The following ADCY5 variants were observed in gnomAD, a reference collection of about 807,000 sequenced individuals.
The protein encoded by ADCY5 is adenylate cyclase 5.
A neutral mutation model predicts 119.7 loss-of-function variants in ADCY5; 30 were observed. The ratio of observed to expected loss-of-function variants is 0.25; its 90% CI spans 0.19 to 0.34. The LOEUF (loss-of-function observed/expected upper bound fraction) is 0.34. Ranked by LOEUF, ADCY5 falls within the 10% of genes least tolerant of loss-of-function variation. The pLI, the probability that ADCY5 is intolerant of heterozygous loss-of-function variation, is 1.00. For missense variants in ADCY5, 1,324 were observed against 1,775.2 expected, an observed-to-expected ratio of 0.75 and a Z score of 4.57; for synonymous variants, 753 against 762.2, an observed-to-expected ratio of 0.99 and a Z score of 0.20.
At chr3:123,298,830 C>CT (rs35856404) in intron 15 of ADCY5, among the ~76,000 whole-genome samples, 17 of 102,522 alleles carry the variant, frequency 1.7e-4, no homozygotes, top group African/African-American at 3.8e-4. Flanking sequence ...AAAACTGTCA[C>CT]TTTTTTTTTT....
intron 1 of ADCY5, among the ~76,000 whole-genome samples, chr3:123,413,080 G>A (rs1026181563): frequency 6.6e-5 from 10 of 152,272 alleles, no homozygotes; most frequent in African/African-American, 1.7e-4. Flanking sequence ...CGGCTCCTCC[G>A]GGACGGGACC....
At chr3:123,384,272 G>C (rs1171394155) in intron 1 of ADCY5, among the ~76,000 whole-genome samples, 2 of 152,234 alleles carry the variant, frequency 1.3e-5, no homozygotes, top group African/African-American at 4.8e-5. Flanking sequence ...TCTGACAACA[G>C]AACAGGTTGG....
At chr3:123,322,773 C>G (rs1941289916) in intron 8 of ADCY5, among the ~76,000 whole-genome samples, 1 of 152,150 alleles carries the variant, frequency 6.6e-6, no homozygotes, top group Non-Finnish European at 1.5e-5. Flanking sequence ...GACACTAGTG[C>G]CTAAGCATCA....
At chr3:123,420,985 GTC>G (rs1229436217) in intron 1 of ADCY5, among the ~76,000 whole-genome samples, 3 of 152,118 alleles carry the variant, frequency 2.0e-5, no homozygotes, top group Non-Finnish European at 4.4e-5. Flanking sequence ...GCGTATGTCT[GTC>G]TCTGTGTCCA....
At chr3:123,423,045 C>G (rs1326015715) in intron 1 of ADCY5, among the ~76,000 whole-genome samples, 1 of 152,158 alleles carries the variant, frequency 6.6e-6, no homozygotes, top group Non-Finnish European at 1.5e-5. Flanking sequence ...AGAGGACAGA[C>G]CAGTTACTGG....
At chr3:123,381,140 T>C (rs1196568303) in intron 1 of ADCY5, among the ~76,000 whole-genome samples, 5 of 152,262 alleles carry the variant, frequency 3.3e-5, no homozygotes, top group Non-Finnish European at 7.3e-5. Context: ...TTTAATACTC[T>C]GTTTCAGCTC....
intron 1 of ADCY5, among the ~76,000 whole-genome samples, chr3:123,429,902 A>T (rs1236456081): frequency 6.6e-6 from 1 of 152,152 alleles, no homozygotes; most frequent in African/African-American, 2.4e-5. Context: ...ACCTGCCCCA[A>T]CGGCTGCCCT....
intron 12 of ADCY5, among the ~76,000 whole-genome samples, chr3:123,313,011 G>GAAGGAGGGTCAGTGGA (rs1553723456): frequency 2.7e-4 from 37 of 139,454 alleles, no homozygotes; most frequent in African/African-American, 1.1e-3. Context: ...GGACAGGCAG[G>GAAGGAGGGTCAGTGGA]GAACCAGCTA....
intron 17 of ADCY5, among the ~76,000 whole-genome samples, chr3:123,292,345 G>A (rs10048957): frequency 0.73 from 110,575 of 152,082 alleles, 41,261 homozygotes; most frequent in East Asian, 0.87. Flanking sequence ...TCAGGACCTG[G>A]GTCCAGCACG....
At chr3:123,297,652 G>A (rs572141828) in intron 15 of ADCY5, among the ~76,000 whole-genome samples, 1 of 152,184 alleles carries the variant, frequency 6.6e-6, no homozygotes, top group South Asian at 2.1e-4. Context: ...ATCTACCTGG[G>A]TGGAGGCCTG....
At chr3:123,375,256 T>C (rs953104541) in intron 1 of ADCY5, among the ~76,000 whole-genome samples, 1 of 152,210 alleles carries the variant, frequency 6.6e-6, no homozygotes, top group East Asian at 1.9e-4. Flanking sequence ...TATGCATGAG[T>C]GTGTCAAGAA....
chr3:123,283,749 A>C lies in ADCY5; in HGVS notation c.*859T>G, dbSNP rs1053031694. On this transcript the variant is annotated 3_prime_UTR_variant, in exon 21 of 21. Coordinates refer to ENST00000462833, the MANE Select transcript of ADCY5 (RefSeq NM_183357.3). The stretch of plus-strand genomic sequence containing the variant: ...CCCTGCTGTGCACAGCTGTTTTCTA[A>C]TATAGAGAATTTACAAAATATAGAA... 4 of 151,936 alleles carry C rather than the reference A, an allele frequency of 2.6e-5. No individual in the cohort carries two copies. The highest frequency in any genetic ancestry group is 9.7e-5 in the African/African-American group (4 of 41,370). The allele number at this position is 151,936 out of a possible 1,614,324, so 9.4% of individuals were successfully genotyped here.
At position 123,330,941 on chromosome 3, in the gene ADCY5, C is replaced by G; in HGVS notation, c.1594G>C (p.Asp532His). 1 of 1,614,102 alleles carries G rather than the reference C, an allele frequency of 6.2e-7. No individual in the cohort carries two copies. Among genetic ancestry groups the G allele is most frequent in the Non-Finnish European group, 8.5e-7 (1 of 1,179,982 alleles). ...CVSGLPEARA[D>H]HAHCCVEMGM... ...ATCTCCACACAGCAGTGGGCGTGGT[C>G]AGCCCTTGCTTCAGGCAGCCCCGAG... The change falls in exon 5 of 21, where the codon GAC becomes CAC. Residue 532 changes from aspartate to histidine, a missense_variant. Physicochemically the swap from Asp to His is moderately conservative, Grantham distance 81. Transcript: ENST00000462833.
chr3:123,341,915 A>G (rs1303292744), intron 3 of ADCY5, among the ~76,000 whole-genome samples: 1 of 152,124 alleles, frequency 6.6e-6, no homozygotes, highest in Non-Finnish European at 1.5e-5. Flanking sequence ...GTACGGGAGT[A>G]GAGTTCAGAA....
intron 1 of ADCY5, among the ~76,000 whole-genome samples, chr3:123,425,074 C>T (rs1053166143): frequency 6.6e-6 from 1 of 152,134 alleles, no homozygotes; most frequent in African/African-American, 2.4e-5. Context: ...GGCCCCCTCT[C>T]AATGTTAGGG....
At chr3:123,347,215 C>A (rs568449552) in intron 3 of ADCY5, among the ~76,000 whole-genome samples, 1 of 152,128 alleles carries the variant, frequency 6.6e-6, no homozygotes, top group African/African-American at 2.4e-5. Flanking sequence ...GTGTTTTTTT[C>A]TTTAAACTTT....
At chr3:123,366,770 T>C (rs1943458225) in intron 1 of ADCY5, among the ~76,000 whole-genome samples, 1 of 152,148 alleles carries the variant, frequency 6.6e-6, no homozygotes, top group Non-Finnish European at 1.5e-5. Context: ...TCAGCCTGGA[T>C]CTGCAAACAA....
rs566644465 is a variant in ADCY5 at position 123,366,101 on chromosome 3, G to T, written c.1135-13520C>A. The stretch of plus-strand genomic sequence containing the variant: ...TAAAATGATATTCTGGATATATTGG[G>T]TAAATAAAATATATTATTTAAATTA... On this transcript the variant is annotated intron_variant, in intron 1 of 20. Transcript: ENST00000462833. 2.0e-5 allele frequency among the ~76,000 whole-genome samples: 3 copies of T among 152,276 alleles called. No homozygotes were observed. In the South Asian group the frequency reaches 6.2e-4, roughly 32 times the overall value.
chr3:123,424,006 C>T (rs1055188903), intron 1 of ADCY5, among the ~76,000 whole-genome samples: 2 of 152,362 alleles, frequency 1.3e-5, no homozygotes, highest in Admixed American at 6.5e-5. Flanking sequence ...TGGTTCCATG[C>T]TGGCCTTTGA....
Sources: gnomAD v4.1 joint callset for allele counts (sites outside exome capture counted in the v4.1 genomes callset) on GRCh38, gnomAD v4.1.1 for gene constraint, MANE v1.5 for transcripts, NCBI Gene and HGNC (gene_info 2026-07-23, HGNC 2026-07-21) for gene names.